The following EXOC4 variants were observed in gnomAD, a reference collection of about 807,000 sequenced individuals.
The protein encoded by EXOC4 is SEC8-like 1.
In EXOC4, 71 loss-of-function variants were observed where a neutral mutation model predicts 107.2. That is an observed-to-expected ratio of 0.66 (90% CI 0.55 to 0.81). The LOEUF is 0.81. Among genes scored for constraint, EXOC4 ranks in the 30% least tolerant of loss-of-function variants. The pLI is 0.00. For missense variants in EXOC4, 1,108 were observed against 1,189.6 expected, an observed-to-expected ratio of 0.93 and a Z score of 1.01; for synonymous variants, 456 against 441.2, an observed-to-expected ratio of 1.03 and a Z score of -0.42.
At chr7:133,502,138 G>A (rs1799587279) in intron 9 of EXOC4, among the ~76,000 whole-genome samples, 1 of 152,056 alleles carries the variant, frequency 6.6e-6, no homozygotes, top group Non-Finnish European at 1.5e-5. Context: ...TGACAGCAAA[G>A]TGGGAGTGGG....
chr7:133,467,537 G>A (rs1183430970), intron 7 of EXOC4, among the ~76,000 whole-genome samples: 2 of 144,960 alleles, frequency 1.4e-5, no homozygotes, highest in Admixed American at 1.4e-4. Flanking sequence ...CTTTTTCATT[G>A]CCTCATTTTG....
Position 133,425,658 on chromosome 7 carries a change from C to G in EXOC4, c.1183-49670C>G, listed in dbSNP as rs562511892. ...CGGGAACATGGGGAGTTGGACATGC[C>G]CCATTATACCTCTCCAGCATTAACA... On this transcript the variant is annotated intron_variant, in intron 7 of 17. Coordinates refer to ENST00000253861, the MANE Select transcript of EXOC4 (RefSeq NM_021807.4). Among the ~76,000 whole-genome samples, 17 of 152,196 alleles carry G rather than the reference C, an allele frequency of 1.1e-4. No homozygotes were observed. In the South Asian group the frequency reaches 3.5e-3, roughly 32 times the overall value.
intron 5 of EXOC4, among the ~76,000 whole-genome samples, chr7:133,331,889 A>G (rs191984026): frequency 3.7e-4 from 56 of 152,322 alleles, no homozygotes; most frequent in African/African-American, 1.3e-3. Context: ...CCTTTCTCTT[A>G]TTCTCCTCAG....
chr7:133,818,677 T>A (rs1265756014), intron 11 of EXOC4, among the ~76,000 whole-genome samples: 3 of 152,170 alleles, frequency 2.0e-5, no homozygotes, highest in African/African-American at 7.2e-5. Flanking sequence ...ACGTGCTTGC[T>A]CTTCCTTCTG....
chr7:134,030,283 A>G (rs1232931773), intron 17 of EXOC4, among the ~76,000 whole-genome samples: 3 of 152,234 alleles, frequency 2.0e-5, no homozygotes, highest in Non-Finnish European at 1.5e-5. Flanking sequence ...ACAAATGTTT[A>G]TAGCAGTAGG....
chr7:133,585,552 G>T (rs1460561426), intron 9 of EXOC4, among the ~76,000 whole-genome samples: 2 of 151,916 alleles, frequency 1.3e-5, no homozygotes, highest in Non-Finnish European at 1.5e-5. Context: ...CTTGAGCCTG[G>T]AAGATTGACA....
chr7:133,815,676 GT>G (rs974140727), intron 10 of EXOC4, among the ~76,000 whole-genome samples: 1 of 152,086 alleles, frequency 6.6e-6, no homozygotes, highest in African/African-American at 2.4e-5. Context: ...ATCTCCAAGA[GT>G]TTTTTTAAGT....
intron 12 of EXOC4, among the ~76,000 whole-genome samples, chr7:133,906,686 G>A (rs1172371715): frequency 1.3e-5 from 2 of 152,154 alleles, no homozygotes; most frequent in Non-Finnish European, 2.9e-5. Flanking sequence ...TTCGCTCGCT[G>A]TCCACTACCG....
At position 133,630,108 on chromosome 7, in the gene EXOC4, G is replaced by T. The variant is rs761291706; in HGVS notation, c.1481G>T (p.Arg494Ile). The T allele has an allele frequency of 1.1e-5, 17 of 1,613,872 alleles. No homozygotes were observed. Among genetic ancestry groups the T allele is most frequent in the Non-Finnish European group, 1.4e-5 (16 of 1,179,842 alleles). ...GTKFVCKPGARNITVIFHPLL... is the reference protein window; with the variant it reads ...GTKFVCKPGAINITVIFHPLL... ...AAATTTGTCTGCAAACCTGGAGCCA[G>T]AAACATTACCGTCATATTCCACCCA... The change falls in exon 10 of 18, where the codon AGA becomes ATA. Residue 494 changes from arginine (R) to isoleucine (I), a missense_variant. By Grantham distance (97) the Arg-to-Ile change is moderately conservative. Transcript: ENST00000253861.
At chr7:133,484,827 C>T (rs912112397) in intron 9 of EXOC4, among the ~76,000 whole-genome samples, 4 of 151,760 alleles carry the variant, frequency 2.6e-5, no homozygotes, top group Non-Finnish European at 5.9e-5. Context: ...GCCTGTAATC[C>T]CAGCACTTTG....
chr7:133,969,289 T>A (rs1801145367), intron 14 of EXOC4, among the ~76,000 whole-genome samples: 1 of 152,208 alleles, frequency 6.6e-6, no homozygotes, highest in African/African-American at 2.4e-5. Flanking sequence ...TAGAACATGC[T>A]ACTTTACCTT....
intron 17 of EXOC4, among the ~76,000 whole-genome samples, chr7:134,011,488 G>A (rs967649545): frequency 6.6e-6 from 1 of 151,790 alleles, no homozygotes; most frequent in African/African-American, 2.4e-5. Context: ...TTGCTCCTCA[G>A]TTTTTCCCCT....
chr7:133,406,698 G>A (rs575899768), intron 7 of EXOC4, among the ~76,000 whole-genome samples: 1 of 152,086 alleles, frequency 6.6e-6, no homozygotes, highest in Non-Finnish European at 1.5e-5. Flanking sequence ...AATTCACCTC[G>A]GTTTAAATTA....
intron 7 of EXOC4, among the ~76,000 whole-genome samples, chr7:133,468,694 C>T (rs936856780): frequency 6.6e-6 from 1 of 152,146 alleles, no homozygotes; most frequent in Non-Finnish European, 1.5e-5. Context: ...GAGGCGCCTT[C>T]TGGGAGAAAG....
intron 11 of EXOC4, among the ~76,000 whole-genome samples, chr7:133,849,189 G>A (rs1397174404): frequency 6.6e-6 from 1 of 152,184 alleles, no homozygotes; most frequent in Admixed American, 6.5e-5. Context: ...TGCAATGGGA[G>A]GTGGTAGGAT....
At chr7:133,256,008 GTCTC>G (rs1283261162) in intron 1 of EXOC4, among the ~76,000 whole-genome samples, 2 of 150,164 alleles carry the variant, frequency 1.3e-5, no homozygotes, top group African/African-American at 2.5e-5. Flanking sequence ...TAGTCCTGGA[GTCTC>G]TCTCTGTCGC....
At chr7:133,501,226 G>A (rs1799570234) in intron 9 of EXOC4, among the ~76,000 whole-genome samples, 1 of 152,112 alleles carries the variant, frequency 6.6e-6, no homozygotes. Flanking sequence ...ATTCTAAATT[G>A]TTGCTTTATT....
chr7:133,869,520 T>C (rs1214782588), intron 11 of EXOC4, among the ~76,000 whole-genome samples: 1 of 152,180 alleles, frequency 6.6e-6, no homozygotes, highest in Non-Finnish European at 1.5e-5. Context: ...CTCCTGCCCT[T>C]TCTATCCACA....
At chr7:133,279,221 G>A (rs1294412125) in intron 2 of EXOC4, among the ~76,000 whole-genome samples, 1 of 152,152 alleles carries the variant, frequency 6.6e-6, no homozygotes, top group Non-Finnish European at 1.5e-5. Flanking sequence ...GACTATCATT[G>A]TTGGGCATTT....
Sources: gnomAD v4.1 joint callset for allele counts (sites outside exome capture counted in the v4.1 genomes callset) on GRCh38, gnomAD v4.1.1 for gene constraint, MANE v1.5 for transcripts, NCBI Gene and HGNC (gene_info 2026-07-23, HGNC 2026-07-21) for gene names.